Variants in PARD3B observed in about 807,000 individuals in gnomAD.
The protein encoded by PARD3B is par-3 family cell polarity regulator beta, also known as partitioning defective 3 homolog B.
A neutral mutation model predicts 130.2 loss-of-function variants in PARD3B; 103 were observed. That is an observed-to-expected ratio of 0.79 (90% CI 0.67 to 0.93). The LOEUF (loss-of-function observed/expected upper bound fraction) is 0.93, where lower values mean the gene tolerates loss of function less well. Ranked by LOEUF, PARD3B falls within the 40% of genes least tolerant of loss-of-function variation. The pLI is 0.00. For synonymous variants in PARD3B, 583 were observed against 553.2 expected (o/e 1.05, Z -0.76); for missense variants, 1,609 against 1,499.2 (o/e 1.07, Z -1.21).
At chr2:205,033,181 T>C (rs1697547814) in intron 3 of PARD3B, among the ~76,000 whole-genome samples, 2 of 152,180 alleles carry the variant, frequency 1.3e-5, no homozygotes, top group South Asian at 4.1e-4. Context: ...TGCACCATTC[T>C]GAATCAATCA....
At chr2:205,476,158 T>C (rs2049014047) in intron 20 of PARD3B, among the ~76,000 whole-genome samples, 2 of 152,156 alleles carry the variant, frequency 1.3e-5, no homozygotes, top group Non-Finnish European at 2.9e-5. Context: ...TTTATCCTAA[T>C]GGACAAGCAG....
chr2:205,227,992 T>C (rs1303022672), intron 15 of PARD3B, among the ~76,000 whole-genome samples: 1 of 152,164 alleles, frequency 6.6e-6, no homozygotes, highest in African/African-American at 2.4e-5. Flanking sequence ...AATTCTGCAC[T>C]TTAACTTCAT....
chr2:205,255,360 C>A (rs2040036517), intron 16 of PARD3B, among the ~76,000 whole-genome samples: 1 of 152,130 alleles, frequency 6.6e-6, no homozygotes, highest in African/African-American at 2.4e-5. Flanking sequence ...GAATACTAAG[C>A]ACAGCACAGA....
chr2:205,252,717 C>A (rs2039901828), intron 16 of PARD3B, among the ~76,000 whole-genome samples: 1 of 151,954 alleles, frequency 6.6e-6, no homozygotes, highest in Admixed American at 6.6e-5. Flanking sequence ...ACCATACAGA[C>A]TCACACCAAA....
chr2:205,517,293 G>T (rs2050831405), intron 21 of PARD3B, among the ~76,000 whole-genome samples: 1 of 151,740 alleles, frequency 6.6e-6, no homozygotes, highest in Admixed American at 6.6e-5. Context: ...GAGGTGGGGA[G>T]GAGTTTCTCT....
chr2:204,883,885 G>T (rs143986568), intron 2 of PARD3B, among the ~76,000 whole-genome samples: 1 of 151,636 alleles, frequency 6.6e-6, no homozygotes, highest in African/African-American at 2.4e-5. Context: ...TTACAGGTGC[G>T]TGCCACCATG....
chr2:205,533,990 G>A (rs1323737085), intron 21 of PARD3B, among the ~76,000 whole-genome samples: 1 of 149,976 alleles, frequency 6.7e-6, no homozygotes, highest in Non-Finnish European at 1.5e-5. Context: ...CCCATTCTGG[G>A]TTACTCTGTG....
At chr2:204,615,634 C>A (rs2034083382) in intron 1 of PARD3B, among the ~76,000 whole-genome samples, 1 of 152,126 alleles carries the variant, frequency 6.6e-6, no homozygotes, top group African/African-American at 2.4e-5. Context: ...CAGTTGTTAT[C>A]CTTGAAGCGA....
rs943845104 is a variant in PARD3B, at chr2:205,589,614, T to G, written c.3261-25842T>G. 6.6e-6 allele frequency among the ~76,000 whole-genome samples: 1 copy of G among 152,220 alleles called. No homozygotes were observed. Among genetic ancestry groups the G allele is most frequent in the Admixed American group, 6.5e-5 (1 of 15,290 alleles). On this transcript the variant is annotated intron_variant, in intron 22 of 22. Transcript: ENST00000406610. The surrounding 1 kb of genome is among the most constrained non-coding windows in gnomAD (Gnocchi z 4.1). ...TGGGTCTGAGCAGGCAAGACTTGTC[T>G]TGGCATGTTTTCTATTTATATAACT...
At chr2:204,823,757 T>C (rs1347686470) in intron 2 of PARD3B, among the ~76,000 whole-genome samples, 3 of 152,134 alleles carry the variant, frequency 2.0e-5, no homozygotes. Flanking sequence ...TGGACCAGTA[T>C]GGTGAAACCG....
At chr2:205,326,911 A>G (rs1253592372) in intron 18 of PARD3B, among the ~76,000 whole-genome samples, 3 of 152,218 alleles carry the variant, frequency 2.0e-5, no homozygotes, top group Non-Finnish European at 1.5e-5. Flanking sequence ...TGCTTCTAGT[A>G]TAACTGAAAT....
intron 13 of PARD3B, among the ~76,000 whole-genome samples, chr2:205,182,894 A>G (rs1319891340): frequency 1.3e-5 from 2 of 152,138 alleles, no homozygotes; most frequent in South Asian, 2.1e-4. Flanking sequence ...GCACCCTCTC[A>G]TAACCACTGA....
At chr2:205,228,376 TC>T (rs1312414128) in intron 15 of PARD3B, among the ~76,000 whole-genome samples, 2 of 152,216 alleles carry the variant, frequency 1.3e-5, no homozygotes, top group East Asian at 3.8e-4. Flanking sequence ...GATATACTAT[TC>T]TAGAATAAAA....
chr2:204,906,764 T>C lies in PARD3B; in HGVS notation c.223-58388T>C, dbSNP rs2047055041. On this transcript the variant is annotated intron_variant, in intron 2 of 22. Transcript: ENST00000406610. This position sits in a 1 kb window ranked among gnomAD's most constrained non-coding sequence, Gnocchi z 4.3. Reference sequence around the variant, plus strand: ...TAATGTGGTCACCAGGTTGTGTTTTTTTCAGGCTTAATTTTATGTTAAACA... The same window carrying C: ...TAATGTGGTCACCAGGTTGTGTTTTCTTCAGGCTTAATTTTATGTTAAACA... Among the ~76,000 whole-genome samples, 1 of 152,246 alleles carries C rather than the reference T, an allele frequency of 6.6e-6. No homozygotes were observed. The highest frequency in any genetic ancestry group is 1.5e-5 in the Non-Finnish European group (1 of 68,044).
chr2:205,168,320 A>AGAGAGAGAGAGTGTGT (rs371904121), intron 11 of PARD3B, among the ~76,000 whole-genome samples: 4 of 119,692 alleles, frequency 3.3e-5, no homozygotes, highest in Non-Finnish European at 5.1e-5. Flanking sequence ...AGAGAGAGAG[A>AGAGAGAGAGAGTGTGT]GTGTGTGTGT....
chr2:204,935,783 C>T (rs982292976), intron 2 of PARD3B, among the ~76,000 whole-genome samples: 4 of 152,074 alleles, frequency 2.6e-5, no homozygotes, highest in African/African-American at 9.7e-5. Context: ...TTGAATGGAA[C>T]TTGTCCCTTC....
intron 1 of PARD3B, among the ~76,000 whole-genome samples, chr2:204,683,168 T>C (rs903990167): frequency 7.9e-5 from 12 of 152,168 alleles, no homozygotes; most frequent in African/African-American, 2.7e-4. Context: ...ATTATAACAT[T>C]ATTTTTCAAT....
At chr2:205,478,441 T>G (rs113404813) in intron 20 of PARD3B, among the ~76,000 whole-genome samples, 7 of 152,344 alleles carry the variant, frequency 4.6e-5, no homozygotes, top group African/African-American at 1.7e-4. Context: ...CATTGTCTGC[T>G]GGATGGACTT....
At chr2:204,894,169 A>G (rs959624982) in intron 2 of PARD3B, among the ~76,000 whole-genome samples, 1 of 152,116 alleles carries the variant, frequency 6.6e-6, no homozygotes, top group Non-Finnish European at 1.5e-5. Context: ...AAGGGCATTA[A>G]GGGTTTTTTT....
Sources: allele counts gnomAD v4.1 joint callset (sites outside exome capture counted in the v4.1 genomes callset), GRCh38; gene constraint gnomAD v4.1.1; non-coding constraint Gnocchi (gnomAD v3.1); transcripts MANE v1.5; gene names NCBI Gene and HGNC (gene_info 2026-07-23, HGNC 2026-07-21).